Variants in COMMD1 observed in about 807,000 individuals in gnomAD.
COMMD1 encodes COMM domain-containing protein 1.
A neutral mutation model predicts 17.2 loss-of-function variants in COMMD1; 10 were observed. That is an observed-to-expected ratio of 0.58 (90% CI 0.36 to 0.99). COMMD1 has a LOEUF of 0.99. Ranked by LOEUF, COMMD1 falls within the 50% of genes least tolerant of loss-of-function variation. The probability of loss-of-function intolerance (pLI) is 0.01; values close to 1 mark genes in which losing one functional copy is unlikely to be tolerated. For synonymous variants in COMMD1, 97 were observed against 91.6 expected (o/e 1.06, Z -0.34); for missense variants, 270 against 231.8 (o/e 1.17, Z -1.07).
rs576890581 is a variant in COMMD1 at position 62,010,139 on chromosome 2, A to G, written c.462+9157A>G. Among the ~76,000 whole-genome samples the G allele has an allele frequency of 1.6e-4, 24 of 152,306 alleles. No homozygotes were observed. The South Asian group carries it at 4.8e-3, about 30-fold the overall frequency. The stretch of plus-strand genomic sequence containing the variant: ...GCTAAGTCTTTCCTTTAAAATTTAT[A>G]TAATGTTTTTGCATTTATTCTCGTT... On this transcript the variant is annotated intron_variant, in intron 2 of 2. Coordinates refer to ENST00000311832, the MANE Select transcript of COMMD1 (RefSeq NM_152516.4).
chr2:61,898,680 ATTAC>A (rs1297622166), intron 1 of COMMD1, among the ~76,000 whole-genome samples: 1 of 152,094 alleles, frequency 6.6e-6, no homozygotes, highest in African/African-American at 2.4e-5. Context: ...AAAAACACCT[ATTAC>A]TTGCCTGGGA....
At chr2:61,980,738 A>C (rs1009452912) in intron 1 of COMMD1, among the ~76,000 whole-genome samples, 6 of 150,744 alleles carry the variant, frequency 4.0e-5, no homozygotes, top group South Asian at 2.1e-4. Flanking sequence ...TGCTGTGCAG[A>C]AGCTCTTTAG....
chr2:62,003,933 G>T (rs1191711740), intron 2 of COMMD1, among the ~76,000 whole-genome samples: 1 of 152,056 alleles, frequency 6.6e-6, no homozygotes, highest in African/African-American at 2.4e-5. Context: ...TTTGAGACCA[G>T]CCTGGCCAAC....
At chr2:61,910,631 A>G (rs1372597254) in intron 1 of COMMD1, among the ~76,000 whole-genome samples, 1 of 152,088 alleles carries the variant, frequency 6.6e-6, no homozygotes, top group Non-Finnish European at 1.5e-5. Context: ...CTTTATTGCT[A>G]TTGCTGTTAA....
chr2:62,095,845 A>G (rs1340169963), intron 2 of COMMD1, among the ~76,000 whole-genome samples: 1 of 72,984 alleles, frequency 1.4e-5, no homozygotes, highest in African/African-American at 8.6e-5. Context: ...ATATATACAC[A>G]CAGGTATATA....
intron 2 of COMMD1, among the ~76,000 whole-genome samples, chr2:62,113,514 G>C (rs1181361157): frequency 6.6e-6 from 1 of 152,134 alleles, no homozygotes; most frequent in African/African-American, 2.4e-5. Context: ...CTCCTGAGTA[G>C]CTGGGATCAC....
chr2:62,028,251 C>T (rs554477274), intron 2 of COMMD1, among the ~76,000 whole-genome samples: 1 of 152,190 alleles, frequency 6.6e-6, no homozygotes, highest in East Asian at 1.9e-4. Context: ...CATAGGTTTG[C>T]AGTAAGGTCT....
intron 1 of COMMD1, among the ~76,000 whole-genome samples, chr2:61,940,978 G>T (rs1285975216): frequency 6.7e-6 from 1 of 150,008 alleles, no homozygotes; most frequent in Non-Finnish European, 1.5e-5. Context: ...GTGAGCCACT[G>T]CGCCCGGCTG....
intron 2 of COMMD1, among the ~76,000 whole-genome samples, chr2:62,018,172 C>T (rs1224410591): frequency 5.3e-5 from 8 of 152,034 alleles, no homozygotes; most frequent in Non-Finnish European, 1.0e-4. Context: ...TTCTTATTTT[C>T]CCTGCTTAGG....
chr2:62,038,201 T>C (rs561111577), intron 2 of COMMD1, among the ~76,000 whole-genome samples: 1 of 152,076 alleles, frequency 6.6e-6, no homozygotes, highest in Non-Finnish European at 1.5e-5. Context: ...GGCAGGAGAA[T>C]TGCTTGAATC....
chr2:61,960,334 G>A (rs569240411), intron 1 of COMMD1, among the ~76,000 whole-genome samples: 6 of 152,198 alleles, frequency 3.9e-5, no homozygotes, highest in African/African-American at 7.2e-5. Flanking sequence ...ATACAGTGGC[G>A]GGGGAGTTGG....
chr2:61,912,360 A>T (rs540677891), intron 1 of COMMD1, among the ~76,000 whole-genome samples: 1 of 152,256 alleles, frequency 6.6e-6, no homozygotes, highest in Non-Finnish European at 1.5e-5. Flanking sequence ...GAGGAAAGCT[A>T]GGAAATGTAG....
intron 2 of COMMD1, among the ~76,000 whole-genome samples, chr2:62,125,005 T>C (rs1247240762): frequency 6.6e-6 from 1 of 152,230 alleles, no homozygotes; most frequent in Non-Finnish European, 1.5e-5. Flanking sequence ...CAAGAATTTA[T>C]GGGAATGCAG....
intron 2 of COMMD1, among the ~76,000 whole-genome samples, chr2:62,081,568 T>A (rs930633223): frequency 4.6e-5 from 7 of 152,032 alleles, no homozygotes; most frequent in South Asian, 2.1e-4. Context: ...ATTTTTTTTT[T>A]AAATGATATC....
intron 2 of COMMD1, among the ~76,000 whole-genome samples, chr2:62,110,618 A>G (rs892549352): frequency 7.9e-5 from 12 of 152,158 alleles, no homozygotes; most frequent in African/African-American, 2.9e-4. Flanking sequence ...CCTGAGCTAC[A>G]TGAAGTTGAG....
At chr2:62,056,925 T>C (rs534799215) in intron 2 of COMMD1, among the ~76,000 whole-genome samples, 1 of 152,336 alleles carries the variant, frequency 6.6e-6, no homozygotes, top group East Asian at 1.9e-4. Context: ...TGGAATATTC[T>C]GAGATTGCCA....
intron 2 of COMMD1, among the ~76,000 whole-genome samples, chr2:62,020,970 T>C (rs985696809): frequency 6.7e-6 from 1 of 149,836 alleles, no homozygotes; most frequent in Non-Finnish European, 1.5e-5. Context: ...GCCATTGCAC[T>C]CCAGCCTGTG....
chr2:61,920,649 T>C (rs187989473), intron 1 of COMMD1, among the ~76,000 whole-genome samples: 1 of 152,192 alleles, frequency 6.6e-6, no homozygotes, highest in Admixed American at 6.5e-5. Flanking sequence ...ACTGAGATGG[T>C]AAGTTAGTTA....
rs560421366 is a variant in COMMD1 at position 62,085,724 on chromosome 2, A to G, written c.463-50107A>G. ...GCTGGGCGTGGTGGCTCACGCCTGT[A>G]ATCCCAGCACTTTGGGAGGCCGAGG... On this transcript the variant is annotated intron_variant, in intron 2 of 2. Coordinates refer to ENST00000311832, the MANE Select transcript of COMMD1 (RefSeq NM_152516.4). Among the ~76,000 whole-genome samples the G allele has an allele frequency of 1.3e-3, 195 of 150,972 alleles. 1 individual carries two copies. Among genetic ancestry groups the G allele is most frequent in the Non-Finnish European group, 2.3e-3 (158 of 67,720 alleles).
Sources: allele counts gnomAD v4.1 joint callset (sites outside exome capture counted in the v4.1 genomes callset), GRCh38; gene constraint gnomAD v4.1.1; transcripts MANE v1.5; gene names NCBI Gene and HGNC (gene_info 2026-07-23, HGNC 2026-07-21).